Variants in NELL2 observed in about 807,000 individuals in gnomAD.
NELL2 encodes protein kinase C-binding protein NELL2.
Under a neutral mutation model 109.6 loss-of-function variants are expected in NELL2, and 41 were observed. The ratio of observed to expected loss-of-function variants is 0.37; its 90% CI spans 0.29 to 0.49. The LOEUF (loss-of-function observed/expected upper bound fraction) is 0.49. Ranked by LOEUF, NELL2 falls within the 20% of genes least tolerant of loss-of-function variation. The pLI is 0.98. For synonymous variants in NELL2, 355 were observed against 344.7 expected (o/e 1.03, Z -0.33); for missense variants, 900 against 1,008.3 (o/e 0.89, Z 1.45).
At chr12:44,527,996 A>T (rs1941866548) in intron 16 of NELL2, among the ~76,000 whole-genome samples, 1 of 144,744 alleles carries the variant, frequency 6.9e-6, no homozygotes, top group Non-Finnish European at 1.5e-5. Context: ...CGGGAGGCTG[A>T]GGCAGGAGAA....
chr12:44,834,788 G>C (rs1944000791), intron 2 of NELL2, among the ~76,000 whole-genome samples: 1 of 152,080 alleles, frequency 6.6e-6, no homozygotes, highest in African/African-American at 2.4e-5. Context: ...ACCTCCCCTG[G>C]CTAGACCCAG....
Position 44,701,870 on chromosome 12 carries a change from C to T in NELL2, c.1318+1856G>A, listed in dbSNP as rs1949239891. On this transcript the variant is annotated intron_variant, in intron 12 of 19. Transcript: ENST00000429094. ...TCAATACAGGGCTGAGCATATCACTCTCCTCCTTGATGCAACTCTGAAATC... is the reference window on the plus strand; with the variant it reads ...TCAATACAGGGCTGAGCATATCACTTTCCTCCTTGATGCAACTCTGAAATC... Among the ~76,000 whole-genome samples, 2 of 151,936 alleles carry T rather than the reference C, an allele frequency of 1.3e-5. 1 individual carries two copies. The highest frequency in any genetic ancestry group is 1.3e-4 in the Admixed American group (2 of 15,236).
intron 1 of NELL2, among the ~76,000 whole-genome samples, chr12:44,909,002 G>A (rs1462370231): frequency 6.6e-6 from 1 of 151,678 alleles, no homozygotes; most frequent in African/African-American, 2.4e-5. Flanking sequence ...GAGTAATTGA[G>A]AAATCAATAC....
chr12:44,776,185 T>A, intron 7 of NELL2, 35 bp from the exon 8 acceptor site: 1 of 1,608,158 alleles, frequency 6.2e-7, no homozygotes, highest in Non-Finnish European at 8.5e-7. Flanking sequence ...ACATTGTTCA[T>A]CCTTCCAGCA....
intron 15 of NELL2, among the ~76,000 whole-genome samples, chr12:44,533,992 C>T (rs950073399): frequency 1.3e-5 from 2 of 152,098 alleles, no homozygotes; most frequent in African/African-American, 4.8e-5. Context: ...TGACCAGGCA[C>T]AATGACATCC....
At chr12:44,730,524 C>T (rs1939313491) in intron 9 of NELL2, among the ~76,000 whole-genome samples, 2 of 152,034 alleles carry the variant, frequency 1.3e-5, no homozygotes, top group African/African-American at 2.4e-5. Flanking sequence ...AAATAACACA[C>T]TTGAATAGTT....
intron 9 of NELL2, among the ~76,000 whole-genome samples, chr12:44,747,949 G>A (rs1474333812): frequency 2.0e-5 from 3 of 152,202 alleles, no homozygotes; most frequent in East Asian, 3.9e-4. Context: ...AACCAAACTC[G>A]TAATGGAAAG....
intron 2 of NELL2, among the ~76,000 whole-genome samples, chr12:44,826,634 A>T (rs1943719145): frequency 1.3e-5 from 2 of 152,242 alleles, no homozygotes. Flanking sequence ...TAATAATAGA[A>T]ATTGCTGATG....
chr12:44,642,603 C>T (rs768242641), intron 13 of NELL2, among the ~76,000 whole-genome samples: 3 of 152,098 alleles, frequency 2.0e-5, no homozygotes, highest in East Asian at 1.9e-4. Context: ...AAGAAGTGGC[C>T]GGGCGTGGTG....
intron 3 of NELL2, among the ~76,000 whole-genome samples, chr12:44,789,524 G>T (rs140863884): frequency 1.3e-5 from 2 of 152,088 alleles, no homozygotes; most frequent in African/African-American, 4.8e-5. Context: ...AAATGAGAAG[G>T]CACCAGAAAA....
At chr12:44,590,215 A>C (rs1444762164) in intron 15 of NELL2, among the ~76,000 whole-genome samples, 1 of 151,780 alleles carries the variant, frequency 6.6e-6, no homozygotes, top group Non-Finnish European at 1.5e-5. Flanking sequence ...TATACTTAGT[A>C]TATATATATT....
At chr12:44,642,153 G>C (rs1418874130) in intron 13 of NELL2, among the ~76,000 whole-genome samples, 1 of 152,092 alleles carries the variant, frequency 6.6e-6, no homozygotes, top group Non-Finnish European at 1.5e-5. Context: ...AGTCACCAGG[G>C]ATACATGTGA....
Position 44,607,155 on chromosome 12 carries a change from A to G in NELL2, c.1663+14T>C. ...TAAAAATTCATTTTCTAGAAGATGA[A>G]ATGATATTCTTACCCGTTTCACAGC... On this transcript the variant is annotated intron_variant, in intron 15 of 19. Transcript: ENST00000429094. 1 of 1,600,432 alleles carries G rather than the reference A, an allele frequency of 6.2e-7. No homozygotes were observed. The highest frequency in any genetic ancestry group is 8.5e-7 in the Non-Finnish European group (1 of 1,173,696).
rs1001082974 is a variant in NELL2, at chr12:44,703,580, T to C, written c.1318+146A>G. On this transcript the variant is annotated intron_variant, in intron 12 of 19. Coordinates refer to ENST00000429094, the MANE Select transcript of NELL2 (RefSeq NM_001145108.2). ...GAAAAACTTTAATTTGAAAGATAAT[T>C]ATTTTTAGCTGATTAATATGCTTCA... The C allele has an allele frequency of 1.9e-5, 15 of 795,352 alleles. No homozygotes were observed. The Admixed American group carries it at 3.5e-4, about 18-fold the overall frequency. 49.3% of individuals were successfully genotyped at this position (795,352 alleles called of 1,614,324 possible). A position where few individuals can be genotyped will look rare whatever the true frequency, so the allele number is the denominator to read the frequency against.
chr12:44,594,720 A>T (rs569178201), intron 15 of NELL2, among the ~76,000 whole-genome samples: 1 of 152,348 alleles, frequency 6.6e-6, no homozygotes, highest in South Asian at 2.1e-4. Context: ...AATATTTATT[A>T]ATAAATCTAA....
At chr12:44,718,349 T>C (rs1250036309) in intron 9 of NELL2, among the ~76,000 whole-genome samples, 1 of 152,220 alleles carries the variant, frequency 6.6e-6, no homozygotes, top group Non-Finnish European at 1.5e-5. Context: ...ATCTGCCTTC[T>C]AACCTCTCCC....
intron 15 of NELL2, 144 bp from the exon 16 acceptor site, chr12:44,532,865 G>T: frequency 1.3e-6 from 1 of 745,718 alleles, no homozygotes; most frequent in Non-Finnish European, 2.1e-6. Flanking sequence ...CTACTTGTTT[G>T]TTAACAGCTA....
chr12:44,815,925 TTAATA>T, intron 3 of NELL2, 56 bp downstream of exon 3: 1 of 1,537,876 alleles, frequency 6.5e-7, no homozygotes, highest in Non-Finnish European at 8.8e-7. Context: ...TTACTTCTCT[TTAATA>T]TATTCATTTA....
At chr12:44,888,306 T>C (rs71459274) in intron 1 of NELL2, among the ~76,000 whole-genome samples, 14,434 of 151,906 alleles carry the variant, frequency 0.095, 885 homozygotes, top group East Asian at 0.18. Flanking sequence ...TAAGGATTAC[T>C]TTAGCTATTT....
Sources: allele counts gnomAD v4.1 joint callset (sites outside exome capture counted in the v4.1 genomes callset), GRCh38; gene constraint gnomAD v4.1.1; transcripts MANE v1.5; gene names NCBI Gene and HGNC (gene_info 2026-07-23, HGNC 2026-07-21).